MYO18B: variants seen among roughly 807,000 people sequenced by gnomAD.
MYO18B encodes myosin XVIIIB, also known as unconventional myosin-XVIIIb.
A neutral mutation model predicts 273.0 loss-of-function variants in MYO18B; 204 were observed. The observed-to-expected ratio is 0.75, with a 90% CI of 0.67 to 0.84. The LOEUF is 0.84. Ranked by LOEUF, MYO18B falls within the 40% of genes least tolerant of loss-of-function variation. MYO18B has a pLI of 0.00. For missense variants in MYO18B, 3,212 were observed against 3,287.6 expected, an observed-to-expected ratio of 0.98 and a Z score of 0.56; for synonymous variants, 1,330 against 1,305.7, an observed-to-expected ratio of 1.02 and a Z score of -0.40.
chr22:25,916,460 A>G (rs763494), intron 33 of MYO18B, among the ~76,000 whole-genome samples: 10,261 of 152,040 alleles, frequency 0.067, 1,196 homozygotes, highest in African/African-American at 0.24. Flanking sequence ...TCTTTAAGAT[A>G]ATACATTTAA....
At chr22:25,890,664 G>A in intron 25 of MYO18B, 92 bp from the exon 26 acceptor site, 1 of 1,521,232 alleles carries the variant, frequency 6.6e-7, no homozygotes, top group South Asian at 1.3e-5. Flanking sequence ...CCATGATAGT[G>A]ATTTGTCCAA....
At chr22:25,997,320 A>AAAAAC (rs1569278169) in intron 40 of MYO18B, among the ~76,000 whole-genome samples, 2 of 150,024 alleles carry the variant, frequency 1.3e-5, no homozygotes, top group African/African-American at 5.0e-5. Context: ...AAAAAAAAAA[A>AAAAAC]AAAAAAAAAA....
At chr22:25,924,366 T>C (rs2092390913) in intron 34 of MYO18B, among the ~76,000 whole-genome samples, 1 of 152,212 alleles carries the variant, frequency 6.6e-6, no homozygotes, top group Non-Finnish European at 1.5e-5. Context: ...ATTCAATATT[T>C]ATGCAGTACC....
chr22:25,802,480 G>A (rs1456025301), intron 12 of MYO18B, among the ~76,000 whole-genome samples: 1 of 152,102 alleles, frequency 6.6e-6, no homozygotes, highest in African/African-American at 2.4e-5. Context: ...GCCAGGCACG[G>A]TGGCTCACGC....
At position 25,843,945 on chromosome 22, in the gene MYO18B, T is replaced by A. The variant is rs5761270; in HGVS notation, c.3368+51T>A. 0.025 allele frequency: 38,714 copies of A among 1,539,712 alleles called. 2,190 individuals carry two copies. Among genetic ancestry groups the A allele is most frequent in the East Asian group, 0.21 (9,316 of 43,670 alleles). On this transcript the variant is annotated intron_variant, in intron 18 of 43. Coordinates refer to ENST00000335473, the MANE Select transcript of MYO18B (RefSeq NM_032608.7). ...GGGATGGAGCATTGGAGGCACTGTGTTTTCCTTCCCACCTAAACTAGGCAG... is the reference window on the plus strand; with the variant it reads ...GGGATGGAGCATTGGAGGCACTGTGATTTCCTTCCCACCTAAACTAGGCAG...
At chr22:25,769,883 T>G in intron 4 of MYO18B, 3 of 525,670 alleles carry the variant, frequency 5.7e-6, no homozygotes, top group Non-Finnish European at 1.0e-5. Context: ...TGAGACGGAG[T>G]CTTGCTCTGT....
chr22:25,821,134 A>C (rs1026815155), intron 12 of MYO18B, among the ~76,000 whole-genome samples: 1 of 152,198 alleles, frequency 6.6e-6, no homozygotes, highest in African/African-American at 2.4e-5. Flanking sequence ...TACAGTAAAC[A>C]TGGGGTACAG....
At chr22:25,825,548 A>G (rs2089461458) in intron 13 of MYO18B, among the ~76,000 whole-genome samples, 1 of 152,156 alleles carries the variant, frequency 6.6e-6, no homozygotes, top group African/African-American at 2.4e-5. Flanking sequence ...GTGTGTGTGT[A>G]TTCGAGCAAA....
chr22:25,754,997 TGGC>T (rs1036244288), intron 1 of MYO18B, among the ~76,000 whole-genome samples: 1 of 152,174 alleles, frequency 6.6e-6, no homozygotes, highest in African/African-American at 2.4e-5. Context: ...AGGCGGGTAG[TGGC>T]GGCCAAGGCA....
chr22:25,787,278 A>ACG (rs2087440122), intron 11 of MYO18B, among the ~76,000 whole-genome samples: 2 of 7,468 alleles, frequency 2.7e-4, no homozygotes, highest in South Asian at 1.8e-3. Flanking sequence ...GCGCGCACAC[A>ACG]CACACACACA....
chr22:25,839,156 A>G (rs1197631223), intron 17 of MYO18B, among the ~76,000 whole-genome samples: 2 of 150,106 alleles, frequency 1.3e-5, no homozygotes, highest in Non-Finnish European at 3.0e-5. Context: ...GTGTGTATAT[A>G]TGTGTGTGCA....
chr22:25,833,003 A>G lies in MYO18B; in HGVS notation c.3060+6A>G. Reference sequence around the variant, plus strand: ...TGGATCAAAATCCCTCTCAGGTAACACAGGGCCCAGCCAATCCAGGCTCTC... The same window carrying G: ...TGGATCAAAATCCCTCTCAGGTAACGCAGGGCCCAGCCAATCCAGGCTCTC... On this transcript the variant is annotated splice_donor_region_variant and intron_variant, in intron 16 of 43. Coordinates refer to ENST00000335473, the MANE Select transcript of MYO18B (RefSeq NM_032608.7). 6.2e-7 allele frequency: 1 copy of G among 1,613,672 alleles called. No individual in the cohort carries two copies. Among genetic ancestry groups the G allele is most frequent in the Non-Finnish European group, 8.5e-7 (1 of 1,179,666 alleles).
rs551349677 is a variant in MYO18B at position 25,955,879 on chromosome 22, T to TGGG, written c.6156+516_6156+518dup. Among the ~76,000 whole-genome samples the TGGG allele has an allele frequency of 3.3e-5, 5 of 152,326 alleles. No homozygotes were observed. The South Asian group carries it at 1.0e-3, about 32-fold the overall frequency. ...CATCTAGTAAACATAGAGCTATTTC[T>TGGG]GGGCTGTTAATAGCACAACAAAAAT... is the stretch of plus-strand genomic sequence containing the variant. On this transcript the variant is annotated intron_variant, in intron 39 of 43. Coordinates refer to ENST00000335473, the MANE Select transcript of MYO18B (RefSeq NM_032608.7).
chr22:25,889,530 C>G (rs891047956), intron 25 of MYO18B, among the ~76,000 whole-genome samples: 2 of 151,182 alleles, frequency 1.3e-5, no homozygotes, highest in African/African-American at 4.9e-5. Flanking sequence ...TGAGTCTGGA[C>G]TCGAACCTTG....
At chr22:25,786,067 G>T (rs1213862330) in intron 11 of MYO18B, among the ~76,000 whole-genome samples, 5 of 152,168 alleles carry the variant, frequency 3.3e-5, no homozygotes, top group Admixed American at 3.3e-4. Flanking sequence ...TCACTGGTTT[G>T]ATATTTTATT....
At chr22:25,797,369 G>T (rs2087962719) in intron 11 of MYO18B, among the ~76,000 whole-genome samples, 1 of 152,118 alleles carries the variant, frequency 6.6e-6, no homozygotes, top group Admixed American at 6.5e-5. Flanking sequence ...CTTTCAAACT[G>T]CTATCACAAT....
intron 39 of MYO18B, among the ~76,000 whole-genome samples, chr22:25,963,464 T>C (rs2092942316): frequency 6.7e-6 from 1 of 150,212 alleles, no homozygotes; most frequent in South Asian, 2.2e-4. Context: ...CCTCTGTCTT[T>C]ATGTGGCCTT....
At position 25,908,329 on chromosome 22, in the gene MYO18B, A is replaced by G; in HGVS notation, c.5156A>G (p.Gln1719Arg). 1 of 1,582,882 alleles carries G rather than the reference A, an allele frequency of 6.3e-7. No homozygotes were observed. The highest frequency in any genetic ancestry group is 8.6e-7 in the Non-Finnish European group (1 of 1,164,760). ...NTIKQLEQLR[Q>R]RFELEIERMK... ...TCCTTGCTGCCCCCGCAGCTCCGCC[A>G]GCGGTTTGAGCTGGAGATCGAGCGG... The change falls in exon 32 of 44, where the codon CAG (glutamine) becomes CGG (arginine). Residue 1719 changes from glutamine (Q) to arginine (R), a missense_variant. Physicochemically the swap from Gln to Arg is conservative, Grantham distance 43. Coordinates refer to ENST00000335473, the MANE Select transcript of MYO18B (RefSeq NM_032608.7).
intron 1 of MYO18B, among the ~76,000 whole-genome samples, chr22:25,750,638 C>T (rs2085905170): frequency 6.6e-6 from 1 of 152,154 alleles, no homozygotes; most frequent in African/African-American, 2.4e-5. Flanking sequence ...ACTCACCAAC[C>T]AGACTATGGG....
Sources: allele counts gnomAD v4.1 joint callset (sites outside exome capture counted in the v4.1 genomes callset), GRCh38; gene constraint gnomAD v4.1.1; transcripts MANE v1.5; gene names NCBI Gene and HGNC (gene_info 2026-07-23, HGNC 2026-07-21).